Variants in KMT2D observed in about 807,000 individuals in gnomAD.
The protein encoded by KMT2D is histone-lysine N-methyltransferase 2D.
A neutral mutation model predicts 512.7 loss-of-function variants in KMT2D; 55 were observed. The ratio of observed to expected loss-of-function variants is 0.11; its 90% CI spans 0.09 to 0.13. The LOEUF (loss-of-function observed/expected upper bound fraction) is 0.13. KMT2D is among the 10% of genes least tolerant of loss of function. The probability of loss-of-function intolerance (pLI) is 1.00; values close to 1 mark genes in which losing one functional copy is unlikely to be tolerated. For missense variants in KMT2D, 6,061 were observed against 7,127.9 expected (o/e 0.85, Z 5.39); for synonymous variants, 2,995 against 2,904.0 (o/e 1.03, Z -1.01).
chr12:49,052,075 T>C lies in KMT2D; in HGVS notation c.1608A>G (p.Leu536=), dbSNP rs752459379. 3 of 1,608,518 alleles carry C rather than the reference T, an allele frequency of 1.9e-6. No homozygotes were observed. The highest frequency in any genetic ancestry group is 2.2e-5 in the South Asian group (2 of 90,782). The stretch of plus-strand genomic sequence containing the variant: ...GGGGCGATGCTTCAGGTGGTGGGGA[T>C]AGAGGCGTCTCAAGTGCAGGAGATG... ...SPPSPALETP[L]SPPPEASPLS... The change falls in exon 11 of 55, where the codon CTA becomes CTG. Residue 536 remains leucine (L), a synonymous_variant. Coordinates refer to ENST00000301067, the MANE Select transcript of KMT2D (RefSeq NM_003482.4).
rs2120709807 is a variant in KMT2D, at chr12:49,054,474, G to A, written c.400+54C>T. On this transcript the variant is annotated intron_variant, in intron 4 of 54. Transcript: ENST00000301067. The surrounding 1 kb of genome is among the most constrained non-coding windows in gnomAD (Gnocchi z 6.4). ...AAGAATTAACAAAAAGAGGATTGCT[G>A]GCTCAGGACTACCCAGCCCTTATCC... 1 of 1,574,292 alleles carries A rather than the reference G, an allele frequency of 6.4e-7. No individual in the cohort carries two copies. Among genetic ancestry groups the A allele is most frequent in the Non-Finnish European group, 8.6e-7 (1 of 1,158,232 alleles).
At position 49,051,207 on chromosome 12, in the gene KMT2D, G is replaced by T. The variant is rs766963404; in HGVS notation, c.2476C>A (p.Pro826Thr). The change falls in exon 11 of 55, where the codon CCC becomes ACC. Residue 826 changes from proline (P) to threonine (T), a missense_variant. Physicochemically the swap from Pro to Thr is conservative, Grantham distance 38. Coordinates refer to ENST00000301067, the MANE Select transcript of KMT2D (RefSeq NM_003482.4). ...GACAGGTGTGATTCCTCAGGTTGGGGGGACAAGCATGGCTCCTCAGGCACA... is the reference window on the plus strand; with the variant it reads ...GACAGGTGTGATTCCTCAGGTTGGGTGGACAAGCATGGCTCCTCAGGCACA... ...SPVPEEPCLSPQPEESHLSPQ... is the reference protein window; with the variant it reads ...SPVPEEPCLSTQPEESHLSPQ... 1 of 1,514,702 alleles carries T rather than the reference G, an allele frequency of 6.6e-7. No individual in the cohort carries two copies. The highest frequency in any genetic ancestry group is 8.9e-7 in the Non-Finnish European group (1 of 1,125,976). The allele number at this position is 1,514,702 out of a possible 1,614,324, so 93.8% of individuals were successfully genotyped here.
rs201231484 is a variant in KMT2D, at chr12:49,053,521, C to G, written c.794G>C (p.Arg265Pro). Residue 265 changes from arginine (R) to proline (P), a missense_variant, in exon 7 of 55, where the codon CGT (arginine) becomes CCT (proline). Around this residue, in one of 16 missense-constraint regions of KMT2D, gnomAD observed 160 missense variants for 225.8 expected, o/e 0.71. Transcript: ENST00000301067. ...GCATTCAGGGCACTGCCAGCCAGCA[C>G]GTTTGCGGGCAGTCAGAGCAGTGTC... The part of the protein sequence containing the change: ...CLDTALTARK[R>P]AGWQCPECKV... 5.6e-6 allele frequency: 9 copies of G among 1,606,310 alleles called. No homozygotes were observed. The highest frequency in any genetic ancestry group is 7.7e-6 in the Non-Finnish European group (9 of 1,176,276).
In KMT2D at chr12:49,032,754, A is replaced by G. The variant is rs372100436; in HGVS notation, c.11951T>C (p.Leu3984Ser). ...QMGLLNQSRT[L>S]LSPQQQQQQQ... ...CTGCTGTTGTTGCTGAGGAGACAGT[A>G]AAGTTCGACTCTGGTTTAAAAGGCC... The change falls in exon 40 of 55, where the codon TTA becomes TCA. Residue 3984 changes from leucine to serine, a missense_variant. Leu to Ser is a moderately radical substitution (Grantham distance 145). Around this residue, in one of 16 missense-constraint regions of KMT2D, gnomAD observed 1,600 missense variants for 1,754.9 expected, o/e 0.91. Coordinates refer to ENST00000301067, the MANE Select transcript of KMT2D (RefSeq NM_003482.4). 3 of 1,581,056 alleles carry G rather than the reference A, an allele frequency of 1.9e-6. No homozygotes were observed. Among genetic ancestry groups the G allele is most frequent in the African/African-American group, 2.7e-5 (2 of 74,170 alleles).
In KMT2D at chr12:49,048,651, T is replaced by G. The variant is rs1198071203; in HGVS notation, c.4131+8A>C. The G allele has an allele frequency of 9.7e-6, 15 of 1,553,852 alleles. No homozygotes were observed. Among genetic ancestry groups the G allele is most frequent in the Non-Finnish European group, 1.3e-5 (15 of 1,125,050 alleles). On this transcript the variant is annotated splice_region_variant and intron_variant, in intron 14 of 54. Coordinates refer to ENST00000301067, the MANE Select transcript of KMT2D (RefSeq NM_003482.4). ...ATGTTCAGTGTGCCAGGTCTCACTG[T>G]ATGGTACCTGCATTAGGACAAATTT... is the stretch of plus-strand genomic sequence containing the variant.
Position 49,051,032 on chromosome 12 carries a change from G to A in KMT2D, c.2651C>T (p.Pro884Leu), listed in dbSNP as rs763105209. The A allele has an allele frequency of 1.9e-6, 3 of 1,552,600 alleles. No individual in the cohort carries two copies. The highest frequency in any genetic ancestry group is 1.4e-5 in the African/African-American group (1 of 72,770). The change falls in exon 11 of 55, where the codon CCT (proline) becomes CTT (leucine). Residue 884 changes from proline (P) to leucine (L), a missense_variant. By Grantham distance (98) the Pro-to-Leu change is moderately conservative. Transcript: ENST00000301067. ...AGATAAGGATGGTTCCCCAGGGGGAGGGAACAAGGGCAGCTCCTCAGGTGC... is the reference window on the plus strand; with the variant it reads ...AGATAAGGATGGTTCCCCAGGGGGAAGGAACAAGGGCAGCTCCTCAGGTGC... The part of the protein sequence containing the change: ...CPAPEELPLF[P>L]PPGEPSLSPL...
rs1592097067 is a variant in KMT2D, at chr12:49,021,282, A to G, written c.*498T>C. On this transcript the variant is annotated 3_prime_UTR_variant, in exon 55 of 55. Coordinates refer to ENST00000301067, the MANE Select transcript of KMT2D (RefSeq NM_003482.4). ...CAGAGACAGATCAAGAGGGAGGGGG[A>G]TGGGGGTGAGGGTGGGGGCAGGACC... The G allele has an allele frequency of 1.8e-5, 3 of 167,920 alleles. No homozygotes were observed. The highest frequency in any genetic ancestry group is 6.6e-5 in the Admixed American group (1 of 15,150). The allele number at this position is 167,920 out of a possible 1,614,324, so 10.4% of individuals were successfully genotyped here.
chr12:49,049,310 A>T, intron 12 of KMT2D, 92 bp from the exon 13 acceptor site: 1 of 814,412 alleles, frequency 1.2e-6, no homozygotes, highest in Non-Finnish European at 1.9e-6. Context: ...AAACGGACAG[A>T]GTAAGACAGG....
chr12:49,037,901 A>G lies in KMT2D; in HGVS notation c.9455T>C (p.Leu3152Pro). 1 of 1,603,116 alleles carries G rather than the reference A, an allele frequency of 6.2e-7. No individual in the cohort carries two copies. The highest frequency in any genetic ancestry group is 8.5e-7 in the Non-Finnish European group (1 of 1,175,096). The change falls in exon 35 of 55, where the codon CTG (leucine) becomes CCG (proline). Residue 3152 changes from leucine to proline, a missense_variant. By Grantham distance (98) the Leu-to-Pro change is moderately conservative. Transcript: ENST00000301067. ...EPAPAANSLG[L>P]GLKPGQSMMG... is the part of the protein sequence containing the mutation. ...CATGCTCTGTCCTGGCTTTAGCCCCAGGCCAAGGGAATTGGCAGCAGGTGC... is the reference window on the plus strand; with the variant it reads ...CATGCTCTGTCCTGGCTTTAGCCCCGGGCCAAGGGAATTGGCAGCAGGTGC...
At chr12:49,053,691 T>C (rs2120700011) in intron 6 of KMT2D, 50 bp from the exon 7 acceptor site, 2 of 1,540,608 alleles carry the variant, frequency 1.3e-6, no homozygotes, top group Non-Finnish European at 1.8e-6. Context: ...CTTGTAAGCC[T>C]CAGCACATTG....
At position 49,032,067 on chromosome 12, in the gene KMT2D, T is replaced by G; in HGVS notation, c.12638A>C (p.His4213Pro). ...CTGCTGCTGCTGCTGAGGACTTAAG[T>G]GCCGCAGCTGTGGGTTTTTGGCCAG... ...GVLAKNPQLR[H>P]LSPQQQQQLQ... The change falls in exon 40 of 55, where the codon CAC becomes CCC. Residue 4213 changes from histidine to proline, a missense_variant. Coordinates refer to ENST00000301067, the MANE Select transcript of KMT2D (RefSeq NM_003482.4). The G allele has an allele frequency of 6.2e-7, 1 of 1,613,786 alleles. No individual in the cohort carries two copies. The highest frequency in any genetic ancestry group is 8.5e-7 in the Non-Finnish European group (1 of 1,179,796).
In KMT2D at chr12:49,046,565, A is replaced by T. The variant is rs2120608672; in HGVS notation, c.4418+44T>A. The T allele has an allele frequency of 1.3e-6, 2 of 1,584,944 alleles. No homozygotes were observed. The highest frequency in any genetic ancestry group is 4.5e-5 in the East Asian group (2 of 44,532). On this transcript the variant is annotated intron_variant, in intron 16 of 54. Transcript: ENST00000301067. This position sits in a 1 kb window ranked among gnomAD's most constrained non-coding sequence, Gnocchi z 4.2. ...TACTCAACATCATATCCACTTTAAC[A>T]TCTCAAGGCCCCAGGGCTCCACTGA...
Position 49,033,940 on chromosome 12 carries a change from T to C in KMT2D, c.10765A>G (p.Thr3589Ala). The C allele has an allele frequency of 2.0e-6, 3 of 1,533,334 alleles. No individual in the cohort carries two copies. Among genetic ancestry groups the C allele is most frequent in the South Asian group, 2.5e-5 (2 of 80,990 alleles). The allele number at this position is 1,533,334 out of a possible 1,614,324, so 95.0% of individuals were successfully genotyped here. ...DQVRKQQKEHTNLMAEYRNKQ... is the reference protein window; with the variant it reads ...DQVRKQQKEHANLMAEYRNKQ... ...TTCCGATATTCTGCCATGAGATTAGTGTGCTCCTTCTGCTGTTTCCGGACC... is the reference window on the plus strand; with the variant it reads ...TTCCGATATTCTGCCATGAGATTAGCGTGCTCCTTCTGCTGTTTCCGGACC... Residue 3589 changes from threonine to alanine, a missense_variant, in exon 40 of 55, where the codon ACT (threonine) becomes GCT (alanine). By Grantham distance (58) the Thr-to-Ala change is moderately conservative (BLOSUM62 0). Transcript: ENST00000301067.
chr12:49,031,447 G>C lies in KMT2D; in HGVS notation c.13258C>G (p.Arg4420Gly), dbSNP rs199797812. The change falls in exon 40 of 55, where the codon CGG (arginine) becomes GGG (glycine). Residue 4420 changes from arginine (R) to glycine (G), a missense_variant. Arg to Gly is a moderately radical substitution (Grantham distance 125). This residue lies in a region of KMT2D where 1,600 missense variants were observed against 1,754.9 expected (regional missense o/e 0.91). Transcript: ENST00000301067. Reference sequence around the variant, plus strand: ...GCTCCCAGGGCACATGGCTCTTCCCGAGGTTCCTGCTTGATGCTGAGTTGG... The same window carrying C: ...GCTCCCAGGGCACATGGCTCTTCCCCAGGTTCCTGCTTGATGCTGAGTTGG... ...ASQLSIKQEP[R>G]EEPCALGAQS... The C allele has an allele frequency of 6.2e-7, 1 of 1,613,692 alleles. No individual in the cohort carries two copies. The highest frequency in any genetic ancestry group is 1.1e-5 in the South Asian group (1 of 91,064).
At position 49,043,854 on chromosome 12, in the gene KMT2D, A is replaced by C. The variant is rs1416876913; in HGVS notation, c.5319+14T>G. On this transcript the variant is annotated intron_variant, in intron 23 of 54. Coordinates refer to ENST00000301067, the MANE Select transcript of KMT2D (RefSeq NM_003482.4). ...CACAGACACCTCCCTCACTGCTTGGAGCCTGAGACCCACCTGCAAGTAAGC... is the reference window on the plus strand; with the variant it reads ...CACAGACACCTCCCTCACTGCTTGGCGCCTGAGACCCACCTGCAAGTAAGC... 1 of 1,613,900 alleles carries C rather than the reference A, an allele frequency of 6.2e-7. No homozygotes were observed. Among genetic ancestry groups the C allele is most frequent in the African/African-American group, 1.3e-5 (1 of 74,946 alleles).
intron 12 of KMT2D, 124 bp downstream of exon 12, chr12:49,049,558 C>T (rs545093199): frequency 1.8e-6 from 2 of 1,096,654 alleles, no homozygotes; most frequent in Non-Finnish European, 2.5e-6. Flanking sequence ...TCCTTAATAA[C>T]TGGAATAAAG....
Position 49,040,742 on chromosome 12 carries a change from G to GGGCTCT in KMT2D, c.7022_7027dup (p.Gln2341_Ser2342dup), listed in dbSNP as rs1299727171. ...CTCCTGGGGCCTTAGGCCCAAGCCC[G>GGGCTCT]GGCTCTGGGGCTCTACCTGAGATGC... is the stretch of plus-strand genomic sequence containing the variant. On this transcript the variant is annotated inframe_insertion, in exon 32 of 55. Transcript: ENST00000301067. The GGGCTCT allele has an allele frequency of 1.9e-5, 31 of 1,613,480 alleles. No homozygotes were observed. The highest frequency in any genetic ancestry group is 2.5e-5 in the Non-Finnish European group (29 of 1,179,696).
chr12:49,022,595 C>T lies in KMT2D; in HGVS notation c.16333G>A (p.Glu5445Lys), dbSNP rs1403754046. The T allele has an allele frequency of 6.2e-7, 1 of 1,613,410 alleles. No homozygotes were observed. The highest frequency in any genetic ancestry group is 1.1e-5 in the South Asian group (1 of 91,058). Residue 5445 changes from glutamate (E) to lysine (K), a missense_variant, in exon 52 of 55, where the codon GAG becomes AAG. Physicochemically the swap from Glu to Lys is moderately conservative, Grantham distance 56. This residue lies in a region of KMT2D where 44 missense variants were observed against 194.7 expected (regional missense o/e 0.23). Transcript: ENST00000301067. This position sits in a 1 kb window ranked among gnomAD's most constrained non-coding sequence, Gnocchi z 8.6. ...VANRREKIYE[E>K]QNRGIYMFRI... ...GCCCCTCTGCCAGCTCATACCTGCT[C>T]TTCGTAGATTTTCTCCCGCCGGTTG... is the stretch of plus-strand genomic sequence containing the variant.
rs1942938613 is a variant in KMT2D at position 49,031,955 on chromosome 12, G to A, written c.12750C>T (p.Thr4250=). 6.4e-7 allele frequency: 1 copy of A among 1,561,914 alleles called. No individual in the cohort carries two copies. Among genetic ancestry groups the A allele is most frequent in the Non-Finnish European group, 8.7e-7 (1 of 1,152,244 alleles). ...AGCCCAGGAGGCCCTGGAGGGGAGA[G>A]GTCTGGGTCCCAGGCTCCTGGTAGG... ...TPPYQEPGTQ[T]SPLQGLLGCQ... is the part of the protein sequence containing the mutation. Residue 4250 remains threonine (T), a synonymous_variant, in exon 40 of 55, where the codon ACC becomes ACT. Coordinates refer to ENST00000301067, the MANE Select transcript of KMT2D (RefSeq NM_003482.4).
Sources: allele counts gnomAD v4.1 joint callset, GRCh38; gene constraint gnomAD v4.1.1; regional missense constraint gnomAD v4.1.1; non-coding constraint Gnocchi (gnomAD v3.1); transcripts MANE v1.5; gene names NCBI Gene and HGNC (gene_info 2026-07-23, HGNC 2026-07-21).